Variants in ERICH1 observed in about 807,000 individuals in gnomAD.
ERICH1 encodes the protein glutamate-rich protein 1.
A neutral mutation model predicts 39.6 loss-of-function variants in ERICH1; 56 were observed. The ratio of observed to expected loss-of-function variants is 1.41; its 90% confidence interval spans 1.14 to 1.77. The LOEUF (loss-of-function observed/expected upper bound fraction) is 1.77. Among genes scored for constraint, ERICH1 ranks in the 40% most tolerant of loss-of-function variants. The probability of loss-of-function intolerance (pLI) is 0.00; values close to 1 mark genes in which losing one functional copy is unlikely to be tolerated. For synonymous variants in ERICH1, 313 were observed against 223.6 expected, an observed-to-expected ratio of 1.40 and a Z score of -3.57; for missense variants, 826 against 575.4, an observed-to-expected ratio of 1.44 and a Z score of -4.45.
intron 3 of ERICH1, among the ~76,000 whole-genome samples, chr8:683,136 A>C (rs1490516912): frequency 6.6e-6 from 1 of 152,216 alleles, no homozygotes; most frequent in Admixed American, 6.5e-5. Context: ...CCTGCTGAGA[A>C]GCATGTCCTG....
chr8:704,651 G>C (rs971557397), intron 2 of ERICH1, among the ~76,000 whole-genome samples: 5 of 151,764 alleles, frequency 3.3e-5, no homozygotes, highest in Non-Finnish European at 7.4e-5. Context: ...GGAAGGACGG[G>C]GGTTGTAAAA....
At chr8:708,824 G>A (rs192560621) in intron 2 of ERICH1, among the ~76,000 whole-genome samples, 1 of 150,586 alleles carries the variant, frequency 6.6e-6, no homozygotes, top group East Asian at 2.0e-4. Context: ...CTCTTGAGTA[G>A]CTGCGATATA....
chr8:643,145 C>T (rs764077301), intron 3 of ERICH1, among the ~76,000 whole-genome samples: 2 of 152,162 alleles, frequency 1.3e-5, no homozygotes, highest in African/African-American at 2.4e-5. Flanking sequence ...TGGAGTCTCC[C>T]GTCCACAGCC....
chr8:679,445 C>A (rs11778140), intron 3 of ERICH1, among the ~76,000 whole-genome samples: 16,963 of 142,572 alleles, frequency 0.12, 1,377 homozygotes, highest in East Asian at 0.4. Context: ...CGTCACAGCT[C>A]CCACCCCTCA....
chr8:708,690 T>TG (rs1563319532), intron 2 of ERICH1, among the ~76,000 whole-genome samples: 10 of 77,766 alleles, frequency 1.3e-4, no homozygotes, highest in South Asian at 4.8e-4. Flanking sequence ...AGTTTTTTTT[T>TG]TTTTTTTTTT....
intron 1 of ERICH1, among the ~76,000 whole-genome samples, chr8:720,723 C>T (rs1326328801): frequency 1.3e-5 from 2 of 152,152 alleles, no homozygotes; most frequent in African/African-American, 4.8e-5. Context: ...CTTTCAGCAG[C>T]CTAAGCTAAA....
At chr8:651,960 TAGA>T (rs758685167) in intron 3 of ERICH1, among the ~76,000 whole-genome samples, 1 of 152,170 alleles carries the variant, frequency 6.6e-6, no homozygotes, top group Non-Finnish European at 1.5e-5. Flanking sequence ...ATGGTGAAAT[TAGA>T]AGATCAACTA....
Position 708,681 on chromosome 8 carries a change from G to GTTTTTTGT in ERICH1, c.169+7179_169+7180insACAAAAAA. Among the ~76,000 whole-genome samples the GTTTTTTGT allele has an allele frequency of 1.5e-3, 101 of 65,764 alleles. 7 individuals are homozygous for GTTTTTTGT. The highest frequency in any genetic ancestry group is 2.5e-3 in the South Asian group (4 of 1,616). The allele number at this position is 65,764 out of a possible 152,430, so 43.1% of individuals were successfully genotyped here. The stretch of plus-strand genomic sequence containing the variant: ...GGGCTGAGTGGTTACGGGATAATGA[G>GTTTTTTGT]TTTTTTTTTTTTTTTTTTTTTTTTT... On this transcript the variant is annotated intron_variant, in intron 2 of 5. Coordinates refer to ENST00000262109, the MANE Select transcript of ERICH1 (RefSeq NM_207332.3).
At chr8:687,599 G>A (rs1053706528) in intron 3 of ERICH1, among the ~76,000 whole-genome samples, 6 of 152,186 alleles carry the variant, frequency 3.9e-5, no homozygotes, top group Non-Finnish European at 8.8e-5. Context: ...CAGGACTGGA[G>A]GGAGGCGGGT....
At chr8:663,193 G>T (rs370712595), downstream of ERICH1, among the ~76,000 whole-genome samples, 1 of 152,226 alleles carries the variant, frequency 6.6e-6, no homozygotes, top group Admixed American at 6.5e-5. Flanking sequence ...CGTCTCTTAG[G>T]GACCTGGAGG....
intron 3 of ERICH1, among the ~76,000 whole-genome samples, chr8:689,942 C>T (rs963508329): frequency 2.0e-5 from 3 of 151,976 alleles, no homozygotes; most frequent in Non-Finnish European, 4.4e-5. Flanking sequence ...AGTGAGTTCG[C>T]CTGCTAAATG....
intron 2 of ERICH1, among the ~76,000 whole-genome samples, chr8:701,621 G>A (rs750206484): frequency 1.7e-4 from 26 of 152,198 alleles, no homozygotes; most frequent in Non-Finnish European, 2.8e-4. Flanking sequence ...GACAACAACT[G>A]CAAGAGCAAA....
At chr8:684,144 AATG>A (rs1459716627) in intron 3 of ERICH1, among the ~76,000 whole-genome samples, 2 of 152,222 alleles carry the variant, frequency 1.3e-5, no homozygotes, top group African/African-American at 2.4e-5. Flanking sequence ...TGGCCAACAA[AATG>A]ATAAAAATTT....
At chr8:694,416 G>T (rs535312081) in intron 2 of ERICH1, among the ~76,000 whole-genome samples, 1 of 152,190 alleles carries the variant, frequency 6.6e-6, no homozygotes, top group Non-Finnish European at 1.5e-5. Context: ...AAGTTAAACA[G>T]AACTTAGAAA....
chr8:676,737 G>A (rs1804921658), intron 3 of ERICH1, among the ~76,000 whole-genome samples: 2 of 152,332 alleles, frequency 1.3e-5, no homozygotes, highest in Admixed American at 6.5e-5. Context: ...GCCGGCACAC[G>A]GCTCCCGGGT....
Position 634,618 on chromosome 8 carries a change from T to A in ERICH1, c.977-19334A>T, listed in dbSNP as rs557815797. Among the ~76,000 whole-genome samples, 18 of 152,242 alleles carry A rather than the reference T, an allele frequency of 1.2e-4. No individual in the cohort carries two copies. In the East Asian group the frequency reaches 3.3e-3, roughly 28 times the overall value. ...TGCCATGCGTGCAGTAGGTGCCCAC[T>A]GTGTGCGCAGAAGGACAGCTGGCGG... On this transcript the variant is annotated intron_variant, in intron 3 of 3. Coordinates refer to the ERICH1 transcript ENST00000522706.
intron 3 of ERICH1, among the ~76,000 whole-genome samples, chr8:644,159 G>C (rs537719147): frequency 6.6e-6 from 1 of 152,014 alleles, no homozygotes; most frequent in African/African-American, 2.4e-5. Context: ...TCCTGGCCCC[G>C]TCCTAAGGCA....
chr8:706,834 G>T (rs1370224702), intron 2 of ERICH1, among the ~76,000 whole-genome samples: 1 of 152,128 alleles, frequency 6.6e-6, no homozygotes, highest in Non-Finnish European at 1.5e-5. Context: ...ATGGTTGAAA[G>T]AAATTAAAAA....
chr8:678,636 A>C (rs1234256165), intron 3 of ERICH1, among the ~76,000 whole-genome samples: 2 of 152,042 alleles, frequency 1.3e-5, no homozygotes, highest in Non-Finnish European at 2.9e-5. Flanking sequence ...GGTGAAACCC[A>C]GTCTCTACTA....
Sources: allele counts gnomAD v4.1 joint callset (sites outside exome capture counted in the v4.1 genomes callset), GRCh38; gene constraint gnomAD v4.1.1; transcripts MANE v1.5; gene names NCBI Gene and HGNC (gene_info 2026-07-23, HGNC 2026-07-21).